The following GNB4 variants were observed in gnomAD, a reference collection of about 807,000 sequenced individuals.
GNB4 encodes guanine nucleotide-binding protein subunit beta-4.
In GNB4, 28 loss-of-function variants were observed where a neutral mutation model predicts 45.2. The observed-to-expected ratio is 0.62, with a 90% CI of 0.46 to 0.85. GNB4 has a LOEUF of 0.85. GNB4 is among the 40% of genes least tolerant of loss of function. The pLI is 0.00. For synonymous variants in GNB4, 132 were observed against 143.7 expected, an observed-to-expected ratio of 0.92 and a Z score of 0.58; for missense variants, 321 against 425.4, an observed-to-expected ratio of 0.75 and a Z score of 2.16.
chr3:179,401,293 C>T lies in GNB4; in HGVS notation c.943G>A (p.Val315Met). Reference sequence around the variant, plus strand: ...TCATCAGTTACACCTAAGCAGCTCACACGGTTGTCATGACCAGCAAGGACA... The same window carrying T: ...TCATCAGTTACACCTAAGCAGCTCATACGGTTGTCATGACCAGCAAGGACA... ...AGVLAGHDNR[V>M]SCLGVTDDGM... Residue 315 changes from valine (V) to methionine (M), a missense_variant, in exon 10 of 10, where the codon GTG (valine) becomes ATG (methionine). Coordinates refer to ENST00000232564, the MANE Select transcript of GNB4 (RefSeq NM_021629.4). 6.2e-7 allele frequency: 1 copy of T among 1,612,726 alleles called. No individual in the cohort carries two copies. The highest frequency in any genetic ancestry group is 1.1e-5 in the South Asian group (1 of 90,782).
At chr3:179,478,869 T>C in the GNB4 span, among the ~76,000 whole-genome samples, 1 of 152,238 alleles carries the variant, frequency 6.6e-6, no homozygotes, top group Admixed American at 6.5e-5. Context: ...AGAGTTCTCA[T>C]GATATCTGGT....
chr3:179,479,039 T>C, the GNB4 span, among the ~76,000 whole-genome samples: 1 of 152,228 alleles, frequency 6.6e-6, no homozygotes, highest in African/African-American at 2.4e-5. Flanking sequence ...TGCAGAACCA[T>C]GAGCCAATTA....
chr3:179,476,973 A>C, the GNB4 span, among the ~76,000 whole-genome samples: 1 of 152,188 alleles, frequency 6.6e-6, no homozygotes, highest in Non-Finnish European at 1.5e-5. Flanking sequence ...TGGGGAGTAC[A>C]GACCCAAGGT....
chr3:179,504,180 G>T, the GNB4 span, among the ~76,000 whole-genome samples: 5 of 151,764 alleles, frequency 3.3e-5, no homozygotes, highest in Non-Finnish European at 7.4e-5. Flanking sequence ...TTTAAAAAAT[G>T]GATTATTTTC....
chr3:179,461,906 T>C, the GNB4 span, among the ~76,000 whole-genome samples: 2 of 152,252 alleles, frequency 1.3e-5, no homozygotes, highest in African/African-American at 2.4e-5. Context: ...TGCTTTTCCC[T>C]GCCCTAATCC....
At chr3:179,410,561 ATCT>A (rs1714623046) in intron 8 of GNB4, 1 of 152,104 alleles carries the variant, frequency 6.6e-6, no homozygotes, top group South Asian at 2.1e-4. Context: ...TCTTCACATC[ATCT>A]TCCCTCTATG....
chr3:179,507,389 TAGGAAGGAAGGA>T, the GNB4 span, among the ~76,000 whole-genome samples: 2 of 148,384 alleles, frequency 1.3e-5, no homozygotes, highest in South Asian at 2.1e-4. Context: ...GACAGGAAGG[TAGGAAGGAAGGA>T]AGGAAGGAAG....
chr3:179,424,765 C>T lies in GNB4; in HGVS notation c.57+1379G>A, dbSNP rs544153345. On this transcript the variant is annotated intron_variant, in intron 2 of 9. Transcript: ENST00000232564. Reference sequence around the variant, plus strand: ...GACTACAGGCACAAGCCACCACACCCGGCTAACGTTTTTTTGTTTGTTTTT... The same window carrying T: ...GACTACAGGCACAAGCCACCACACCTGGCTAACGTTTTTTTGTTTGTTTTT... Among the ~76,000 whole-genome samples, 9 of 152,220 alleles carry T rather than the reference C, an allele frequency of 5.9e-5. No individual in the cohort carries two copies. In the East Asian group the frequency reaches 7.8e-4, roughly 13 times the overall value.
rs1714198106 is a variant in GNB4, at chr3:179,398,831, A to G, written c.*2382T>C. 6.8e-6 allele frequency: 1 copy of G among 146,330 alleles called. No homozygotes were observed. Among genetic ancestry groups the G allele is most frequent in the African/African-American group, 2.5e-5 (1 of 40,184 alleles). The allele number at this position is 146,330 out of a possible 1,614,324, so 9.1% of individuals were successfully genotyped here. ...TTGTTTATGTGTATAATTAACCACA[A>G]GTGTTAAATAGTTTTTAGTTGCCGA... is the stretch of plus-strand genomic sequence containing the variant. On this transcript the variant is annotated 3_prime_UTR_variant, in exon 10 of 10. Coordinates refer to ENST00000232564, the MANE Select transcript of GNB4 (RefSeq NM_021629.4).
Position 179,400,508 on chromosome 3 carries a change from C to T in GNB4, c.*705G>A, listed in dbSNP as rs1714260686. 6.6e-6 allele frequency: 1 copy of T among 152,136 alleles called. No individual in the cohort carries two copies. The highest frequency in any genetic ancestry group is 2.1e-4 in the South Asian group (1 of 4,828). 9.4% of individuals were successfully genotyped at this position (152,136 alleles called of 1,614,324 possible). ...TCAAGAACCATTTATATGCTATTAC[C>T]TACTTTTTATTAATTATAATGATGT... On this transcript the variant is annotated 3_prime_UTR_variant, in exon 10 of 10. Transcript: ENST00000232564.
At chr3:179,423,930 A>T (rs1267639921) in intron 2 of GNB4, among the ~76,000 whole-genome samples, 1 of 152,176 alleles carries the variant, frequency 6.6e-6, no homozygotes, top group Non-Finnish European at 1.5e-5. Context: ...ACAGATGAGA[A>T]AGAGTAATGC....
chr3:179,412,470 C>G (rs1714679318), intron 8 of GNB4, among the ~76,000 whole-genome samples: 1 of 151,854 alleles, frequency 6.6e-6, no homozygotes, highest in Non-Finnish European at 1.5e-5. Flanking sequence ...GGAATGAGAC[C>G]CTGTCTCTAA....
chr3:179,470,983 T>C, the GNB4 span, among the ~76,000 whole-genome samples: 1 of 152,006 alleles, frequency 6.6e-6, no homozygotes, highest in African/African-American at 2.4e-5. Flanking sequence ...ATTGAGACCA[T>C]CCTGGCTAAC....
chr3:179,425,992 A>G, intron 2 of GNB4, 152 bp downstream of exon 2: 1 of 619,236 alleles, frequency 1.6e-6, no homozygotes, highest in Non-Finnish European at 2.8e-6. Context: ...GTAAACACAA[A>G]TAGACCTCAG....
chr3:179,464,715 G>A, the GNB4 span: 1 of 1,043,824 alleles, frequency 9.6e-7, no homozygotes, highest in South Asian at 1.3e-5. Flanking sequence ...GAATAATTAT[G>A]ATAATGTAGA....
At chr3:179,477,977 T>C in the GNB4 span, among the ~76,000 whole-genome samples, 1 of 152,192 alleles carries the variant, frequency 6.6e-6, no homozygotes, top group African/African-American at 2.4e-5. Context: ...CAGAATACCA[T>C]AGACAGGGTA....
intron 1 of GNB4, among the ~76,000 whole-genome samples, chr3:179,444,791 A>G (rs1281701849): frequency 6.6e-6 from 1 of 152,226 alleles, no homozygotes; most frequent in Non-Finnish European, 1.5e-5. Flanking sequence ...TATAAAAACT[A>G]GCCACGGTAA....
intron 5 of GNB4, 60 bp from the exon 6 acceptor site, chr3:179,415,107 C>A: frequency 3.1e-6 from 4 of 1,293,278 alleles, no homozygotes; most frequent in African/African-American, 1.5e-5. Flanking sequence ...TTGCATAAAC[C>A]CATTTACAAT....
intron 2 of GNB4, among the ~76,000 whole-genome samples, chr3:179,422,734 T>C (rs1715028132): frequency 6.6e-6 from 1 of 152,208 alleles, no homozygotes; most frequent in Non-Finnish European, 1.5e-5. Flanking sequence ...ATATCATGTA[T>C]TTACACTATA....
Sources: gnomAD v4.1 joint callset for allele counts (sites outside exome capture counted in the v4.1 genomes callset) on GRCh38, gnomAD v4.1.1 for gene constraint, MANE v1.5 for transcripts, NCBI Gene and HGNC (gene_info 2026-07-23, HGNC 2026-07-21) for gene names.